ZNF560: variants seen among roughly 807,000 people sequenced by gnomAD.
ZNF560 encodes the protein zinc finger protein 560.
A neutral mutation model predicts 81.8 loss-of-function variants in ZNF560; 54 were observed. The ratio of observed to expected loss-of-function variants is 0.66; its 90% CI spans 0.53 to 0.83. ZNF560 has a LOEUF of 0.83. Ranked by LOEUF, ZNF560 falls within the 40% of genes least tolerant of loss-of-function variation. The probability of loss-of-function intolerance (pLI) is 0.00; values close to 1 mark genes in which losing one functional copy is unlikely to be tolerated. For missense variants in ZNF560, 940 were observed against 932.4 expected, an observed-to-expected ratio of 1.01 and a Z score of -0.11; for synonymous variants, 321 against 317.9, an observed-to-expected ratio of 1.01 and a Z score of -0.10.
upstream of ZNF560, among the ~76,000 whole-genome samples, chr19:9,501,131 T>G (rs1003497617): frequency 3.3e-5 from 5 of 151,468 alleles, no homozygotes; most frequent in Non-Finnish European, 4.4e-5. Context: ...TCATGAAAGA[T>G]AGTCTCTAAT....
chr19:9,494,042 G>C (rs1399728561), intron 2 of ZNF560, among the ~76,000 whole-genome samples: 1 of 146,788 alleles, frequency 6.8e-6, no homozygotes, highest in Non-Finnish European at 1.5e-5. Flanking sequence ...TGAGGCAGGA[G>C]AATCACTTGA....
chr19:9,466,706 C>A lies in ZNF560; in HGVS notation c.2241G>T (p.Lys747Asn). 1 of 1,613,968 alleles carries A rather than the reference C, an allele frequency of 6.2e-7. No individual in the cohort carries two copies. Among genetic ancestry groups the A allele is most frequent in the South Asian group, 1.1e-5 (1 of 91,070 alleles). ...EKPYKCKECG[K>N]AFRTSSGRIQ... ...TACGTCCTGAGGATGTACGGAAGGC[C>A]TTCCCACATTCCTTACATTTATAGG... The change falls in exon 10 of 10, where the codon AAG becomes AAT. Residue 747 changes from lysine (K) to asparagine (N), a missense_variant. Coordinates refer to ENST00000301480, the MANE Select transcript of ZNF560 (RefSeq NM_152476.3).
chr19:9,463,714 C>T (rs1344244437), downstream of ZNF560, among the ~76,000 whole-genome samples: 1 of 152,160 alleles, frequency 6.6e-6, no homozygotes, highest in Non-Finnish European at 1.5e-5. Context: ...TGAGACAAGG[C>T]CTCTGTCACC....
At position 9,483,529 on chromosome 19, in the gene ZNF560, G is replaced by C. The variant is rs954471757; in HGVS notation, c.-56-8160C>G. ...CCCGGCCAGCCGCCCCGTCCGGGAG[G>C]GGGGTGGGGGGTCAGCCCCCGCCCG... On this transcript the variant is annotated intron_variant, in intron 2 of 9. Transcript: ENST00000301480. Among the ~76,000 whole-genome samples the C allele has an allele frequency of 2.7e-3, 399 of 149,758 alleles. 2 individuals are homozygous for C. Among genetic ancestry groups the C allele is most frequent in the African/African-American group, 8.9e-3 (364 of 40,914 alleles).
At chr19:9,464,127 C>A (rs2072978287), downstream of ZNF560, among the ~76,000 whole-genome samples, 1 of 152,164 alleles carries the variant, frequency 6.6e-6, no homozygotes, top group South Asian at 2.1e-4. Context: ...ACCACTCAGA[C>A]TGGAACCTGG....
At chr19:9,449,922 T>G in the ZNF560 span, among the ~76,000 whole-genome samples, 1 of 140,890 alleles carries the variant, frequency 7.1e-6, no homozygotes. Flanking sequence ...TGAGCCAAGA[T>G]TGCGCCATTG....
chr19:9,470,590 G>A lies in ZNF560; in HGVS notation c.322-72C>T, dbSNP rs77729782. ...CAATGTTGGCTGAAGAATGAGGAAG[G>A]GGGACCCAATCCCTGTACAGGGTAC... On this transcript the variant is annotated intron_variant, in intron 6 of 9. Transcript: ENST00000301480. 963 of 1,611,086 alleles carry A rather than the reference G, an allele frequency of 6.0e-4. 6 individuals carry two copies. In the African/African-American group the frequency reaches 0.012, roughly 20 times the overall value.
At chr19:9,462,106 CA>C (rs1378179774), downstream of ZNF560, among the ~76,000 whole-genome samples, 2 of 151,988 alleles carry the variant, frequency 1.3e-5, no homozygotes, top group East Asian at 3.9e-4. Context: ...CCTGGTAAAA[CA>C]AAAAGGGGGA....
rs1298699370 is a variant in ZNF560 at position 9,470,482 on chromosome 19, T to C, written c.358A>G (p.Thr120Ala). 1.2e-6 allele frequency: 2 copies of C among 1,614,124 alleles called. No individual in the cohort carries two copies. Among genetic ancestry groups the C allele is most frequent in the Admixed American group, 1.7e-5 (1 of 60,012 alleles). ...TCCAGTAAAGTCCACTCTTCCTGGGTGAACTCCACAGCCACACTGTCAAAG... is the reference window on the plus strand; with the variant it reads ...TCCAGTAAAGTCCACTCTTCCTGGGCGAACTCCACAGCCACACTGTCAAAG... ...VTFDSVAVEF[T>A]QEEWTLLDPA... Residue 120 changes from threonine to alanine, a missense_variant, in exon 7 of 10, where the codon ACC (threonine) becomes GCC (alanine). By Grantham distance (58) the Thr-to-Ala change is moderately conservative (BLOSUM62 0). Coordinates refer to ENST00000301480, the MANE Select transcript of ZNF560 (RefSeq NM_152476.3).
chr19:9,477,232 C>T (rs1470537624), intron 2 of ZNF560, among the ~76,000 whole-genome samples: 1 of 151,964 alleles, frequency 6.6e-6, no homozygotes. Context: ...TATATATATG[C>T]TCACTTATCT....
rs769709073 is a variant in ZNF560 at position 9,467,899 on chromosome 19, A to G, written c.1048T>C (p.Cys350Arg). Residue 350 changes from cysteine to arginine, a missense_variant, in exon 10 of 10, where the codon TGT becomes CGT. By Grantham distance (180) the Cys-to-Arg change is radical (BLOSUM62 -3). Coordinates refer to ENST00000301480, the MANE Select transcript of ZNF560 (RefSeq NM_152476.3). ...CTAAAATCTTTTCCACATTCCTTAC[A>G]TTCATAGGGGTTTTTAATAATGTGT... ...ETHIIKNPYECKECGKDFRYP... is the reference protein window; with the variant it reads ...ETHIIKNPYERKECGKDFRYP... The G allele has an allele frequency of 1.1e-5, 17 of 1,614,018 alleles. No individual in the cohort carries two copies. The highest frequency in any genetic ancestry group is 4.0e-5 in the African/African-American group (3 of 74,904).
At chr19:9,472,109 CAA>C (rs35628783) in intron 5 of ZNF560, among the ~76,000 whole-genome samples, 142 of 129,970 alleles carry the variant, frequency 1.1e-3, no homozygotes, top group South Asian at 1.2e-3. Context: ...GACTCCGTCT[CAA>C]AAAAAAAAAA....
chr19:9,472,797 A>T (rs1269445301), intron 5 of ZNF560, among the ~76,000 whole-genome samples: 1 of 152,190 alleles, frequency 6.6e-6, no homozygotes, highest in African/African-American at 2.4e-5. Context: ...TCATCCTGAA[A>T]CAATATCCCT....
At chr19:9,500,065 T>G (rs949951175), upstream of ZNF560, among the ~76,000 whole-genome samples, 2 of 152,174 alleles carry the variant, frequency 1.3e-5, no homozygotes, top group African/African-American at 4.8e-5. Flanking sequence ...TTATTTTATT[T>G]TCTTGTGTAA....
intron 2 of ZNF560, among the ~76,000 whole-genome samples, chr19:9,480,902 A>G (rs1324607238): frequency 6.6e-6 from 1 of 152,102 alleles, no homozygotes; most frequent in African/African-American, 2.4e-5. Flanking sequence ...CCTAGGCAAC[A>G]CAGTAAAACC....
upstream of ZNF560, among the ~76,000 whole-genome samples, chr19:9,501,327 T>TGTGTG (rs2073631114): frequency 2.8e-5 from 3 of 109,024 alleles, no homozygotes; most frequent in African/African-American, 1.1e-4. Context: ...CCTGGCTACT[T>TGTGTG]TGTGTGTGTG....
At chr19:9,476,704 T>C (rs927319812) in intron 2 of ZNF560, among the ~76,000 whole-genome samples, 2 of 152,196 alleles carry the variant, frequency 1.3e-5, no homozygotes, top group Admixed American at 6.5e-5. Flanking sequence ...AGAGGTGCCT[T>C]CTGCCATTGA....
At chr19:9,474,439 C>A in intron 3 of ZNF560, 114 bp from the exon 4 acceptor site, 1 of 1,169,550 alleles carries the variant, frequency 8.6e-7, no homozygotes, top group South Asian at 1.5e-5. Flanking sequence ...CTCTCATTAT[C>A]TACCCAAAGC....
intron 3 of ZNF560, 72 bp from the exon 4 acceptor site, chr19:9,474,397 C>A: frequency 6.6e-7 from 1 of 1,525,486 alleles, no homozygotes; most frequent in Non-Finnish European, 8.9e-7. Flanking sequence ...AATCAGTTAA[C>A]AGACCCCAAT....
Sources: allele counts gnomAD v4.1 joint callset (sites outside exome capture counted in the v4.1 genomes callset), GRCh38; gene constraint gnomAD v4.1.1; transcripts MANE v1.5; gene names NCBI Gene and HGNC (gene_info 2026-07-23, HGNC 2026-07-21).